AXDND1: variants seen among roughly 807,000 people sequenced by gnomAD.
AXDND1 encodes axonemal dynein light chain domain-containing protein 1.
In AXDND1, 110 loss-of-function variants were observed where a neutral mutation model predicts 137.5. The ratio of observed to expected loss-of-function variants is 0.80; its 90% confidence interval spans 0.69 to 0.94. AXDND1 has a LOEUF of 0.94. Among genes scored for constraint, AXDND1 ranks in the 40% least tolerant of loss-of-function variants. The probability of loss-of-function intolerance (pLI) is 0.00; values close to 1 mark genes in which losing one functional copy is unlikely to be tolerated. For synonymous variants in AXDND1, 414 were observed against 399.7 expected (o/e 1.04, Z -0.43); for missense variants, 1,191 against 1,169.8 (o/e 1.02, Z -0.26).
chr1:179,520,864 A>G (rs554592253), intron 21 of AXDND1, among the ~76,000 whole-genome samples: 2 of 148,530 alleles, frequency 1.3e-5, no homozygotes, highest in East Asian at 3.9e-4. Flanking sequence ...CTGTATATAT[A>G]TATACAGTTA....
At chr1:179,509,570 G>T (rs1668834066) in intron 21 of AXDND1, among the ~76,000 whole-genome samples, 167 bp downstream of exon 21, 1 of 152,028 alleles carries the variant, frequency 6.6e-6, no homozygotes, top group African/African-American at 2.4e-5. Flanking sequence ...TTCCCTCTAA[G>T]GAATAGAATC....
chr1:179,403,883 G>A (rs755352189), intron 11 of AXDND1, among the ~76,000 whole-genome samples: 4 of 151,998 alleles, frequency 2.6e-5, no homozygotes, highest in African/African-American at 7.2e-5. Flanking sequence ...GGCCTACATC[G>A]TGTTTTAAGT....
chr1:179,436,490 C>T (rs1466251605), intron 15 of AXDND1, among the ~76,000 whole-genome samples: 2 of 152,136 alleles, frequency 1.3e-5, no homozygotes, highest in African/African-American at 2.4e-5. Context: ...TACATATACA[C>T]CATGAAATAC....
Position 179,539,891 on chromosome 1 carries a change from T to G in AXDND1, c.3031+4929T>G, listed in dbSNP as rs150426319. On this transcript the variant is annotated intron_variant, in intron 25 of 25. Coordinates refer to ENST00000367618, the MANE Select transcript of AXDND1 (RefSeq NM_144696.6). ...TTCTTGGAGGCTTTGTTCATTTCTT[T>G]TCAGTCTTTTTTCTCTGATCTTTTC... 2.4e-3 allele frequency among the ~76,000 whole-genome samples: 368 copies of G among 152,190 alleles called. 16 individuals are homozygous for G. The East Asian group carries it at 0.062, about 26-fold the overall frequency.
At chr1:179,409,656 C>A (rs12757723) in intron 11 of AXDND1, among the ~76,000 whole-genome samples, 44,653 of 151,944 alleles carry the variant, frequency 0.29, 6,772 homozygotes, top group Non-Finnish European at 0.31. Context: ...CTGAGGCGGG[C>A]GGATCACTTG....
chr1:179,552,285 G>T (rs1338430280), intron 25 of AXDND1: 4 of 418,194 alleles, frequency 9.6e-6, no homozygotes, highest in Admixed American at 3.6e-5. Flanking sequence ...GGGTGACTAC[G>T]ATTACCCAGG....
At chr1:179,421,981 G>A (rs569237160) in intron 12 of AXDND1, among the ~76,000 whole-genome samples, 8 of 151,260 alleles carry the variant, frequency 5.3e-5, no homozygotes, top group East Asian at 3.9e-4. Flanking sequence ...CAGAGGTTGC[G>A]GTGAGCCAAG....
chr1:179,502,581 A>G (rs926306551), intron 20 of AXDND1, among the ~76,000 whole-genome samples: 9 of 151,918 alleles, frequency 5.9e-5, no homozygotes, highest in South Asian at 2.1e-4. Flanking sequence ...AAAAAAAAAA[A>G]AAAAGAAATT....
intron 17 of AXDND1, among the ~76,000 whole-genome samples, chr1:179,479,008 GA>G (rs929534906): frequency 5.3e-5 from 8 of 152,074 alleles, no homozygotes; most frequent in African/African-American, 1.9e-4. Flanking sequence ...GCCAAGACAG[GA>G]GAATCGCTTG....
At position 179,430,517 on chromosome 1, in the gene AXDND1, TAAAC is replaced by T. The variant is rs776377599; in HGVS notation, c.1401_1404del (p.Gln468ArgfsTer2). 46 of 1,613,882 alleles carry T rather than the reference TAAAC, an allele frequency of 2.9e-5. No homozygotes were observed. The South Asian group carries it at 4.5e-4, about 16-fold the overall frequency. ...AATGGAGAAACTTAGTGAATAAACT[TAAAC>T]AAGAGGTAGAACAAATGGAAGAGTC... On this transcript the variant is annotated frameshift_variant, in exon 14 of 26. Coordinates refer to ENST00000367618, the MANE Select transcript of AXDND1 (RefSeq NM_144696.6). LOFTEE classifies it high-confidence loss of function.
intron 20 of AXDND1, among the ~76,000 whole-genome samples, chr1:179,500,649 C>A (rs1238106229): frequency 6.6e-6 from 1 of 152,128 alleles, no homozygotes; most frequent in Non-Finnish European, 1.5e-5. Context: ...CCACTAGCCA[C>A]ATATTGCTAT....
At chr1:179,524,960 A>G (rs1482483517) in intron 21 of AXDND1, among the ~76,000 whole-genome samples, 2 of 152,150 alleles carry the variant, frequency 1.3e-5, no homozygotes, top group South Asian at 2.1e-4. Flanking sequence ...CTATTGAACT[A>G]TGCTCTCTCA....
intron 20 of AXDND1, among the ~76,000 whole-genome samples, chr1:179,504,880 T>C (rs933256614): frequency 6.6e-6 from 1 of 152,222 alleles, no homozygotes. Flanking sequence ...ACTGAGCCTA[T>C]GCAAAGGCCT....
chr1:179,512,578 T>A (rs1669159438), intron 21 of AXDND1, among the ~76,000 whole-genome samples: 1 of 152,016 alleles, frequency 6.6e-6, no homozygotes, highest in Non-Finnish European at 1.5e-5. Context: ...ATTTTAGAAT[T>A]TTTTTTTCTA....
At chr1:179,466,799 G>T (rs1663260538) in intron 16 of AXDND1, among the ~76,000 whole-genome samples, 1 of 152,132 alleles carries the variant, frequency 6.6e-6, no homozygotes, top group Non-Finnish European at 1.5e-5. Context: ...GACTCTGGAT[G>T]ATACTATATT....
chr1:179,395,577 T>C (rs993540464), intron 11 of AXDND1, among the ~76,000 whole-genome samples: 1 of 152,182 alleles, frequency 6.6e-6, no homozygotes, highest in African/African-American at 2.4e-5. Context: ...AGTTTGCCCA[T>C]ATGTAAAATT....
At chr1:179,464,437 T>C (rs1415474319) in intron 16 of AXDND1, among the ~76,000 whole-genome samples, 2 of 152,240 alleles carry the variant, frequency 1.3e-5, no homozygotes, top group Admixed American at 6.5e-5. Flanking sequence ...ATGTTGAATA[T>C]TGGCCCCCAC....
At chr1:179,515,685 TC>T (rs760105178) in intron 21 of AXDND1, among the ~76,000 whole-genome samples, 1 of 152,172 alleles carries the variant, frequency 6.6e-6, no homozygotes, top group Non-Finnish European at 1.5e-5. Context: ...CTTTTAGATT[TC>T]TTTTCTTCCT....
intron 12 of AXDND1, among the ~76,000 whole-genome samples, chr1:179,422,486 G>A (rs972991887): frequency 6.6e-6 from 1 of 151,988 alleles, no homozygotes; most frequent in Non-Finnish European, 1.5e-5. Flanking sequence ...CCATCATTGT[G>A]GTCAGAAAAA....
Sources: gnomAD v4.1 joint callset for allele counts (sites outside exome capture counted in the v4.1 genomes callset) on GRCh38, gnomAD v4.1.1 for gene constraint, MANE v1.5 for transcripts, NCBI Gene and HGNC (gene_info 2026-07-23, HGNC 2026-07-21) for gene names.